The following LRRC75A variants were observed in gnomAD, a reference collection of about 807,000 sequenced individuals.
LRRC75A encodes the protein leucine rich repeat containing 75A, also known as leucine-rich repeat-containing protein 75A.
A neutral mutation model predicts 26.0 loss-of-function variants in LRRC75A; 12 were observed. The ratio of observed to expected loss-of-function variants is 0.46; its 90% CI spans 0.30 to 0.75. The LOEUF (loss-of-function observed/expected upper bound fraction) is 0.75, where lower values mean the gene tolerates loss of function less well. Ranked by LOEUF, LRRC75A falls within the 30% of genes least tolerant of loss-of-function variation. The pLI is 0.08. For synonymous variants in LRRC75A, 223 were observed against 219.3 expected (o/e 1.02, Z -0.15); for missense variants, 410 against 486.6 (o/e 0.84, Z 1.48).
At chr17:16,482,020 A>T (rs2093835267) in intron 1 of LRRC75A, among the ~76,000 whole-genome samples, 1 of 152,154 alleles carries the variant, frequency 6.6e-6, no homozygotes, top group Non-Finnish European at 1.5e-5. Flanking sequence ...GTCTAGGTCC[A>T]GGGCAGGAAT....
In LRRC75A at chr17:16,442,685, T is replaced by C. The variant is rs2093541991; in HGVS notation, c.*903A>G. ...ACCTTCTGCAGTCGGTTTTCTGGAA[T>C]GTGTTGGTGGATTACTTAAGAGTTA... On this transcript the variant is annotated 3_prime_UTR_variant, in exon 4 of 4. Transcript: ENST00000470794. 6.6e-6 allele frequency: 1 copy of C among 152,236 alleles called. No individual in the cohort carries two copies. The highest frequency in any genetic ancestry group is 2.4e-5 in the African/African-American group (1 of 41,424). 9.4% of individuals were successfully genotyped at this position (152,236 alleles called of 1,614,324 possible). A position where few individuals can be genotyped will look rare whatever the true frequency, so the allele number is the denominator to read the frequency against.
intron 2 of LRRC75A, among the ~76,000 whole-genome samples, chr17:16,458,178 T>G (rs1017183387): frequency 6.6e-6 from 1 of 151,930 alleles, no homozygotes; most frequent in Non-Finnish European, 1.5e-5. Flanking sequence ...TGGTGGCAGG[T>G]GCCTGTAATC....
intron 1 of LRRC75A, among the ~76,000 whole-genome samples, chr17:16,489,386 A>G (rs1321200245): frequency 6.6e-6 from 1 of 151,902 alleles, no homozygotes; most frequent in Non-Finnish European, 1.5e-5. Flanking sequence ...CGCTTTGCAG[A>G]CCCCTGTCTT....
intron 1 of LRRC75A, among the ~76,000 whole-genome samples, chr17:16,474,995 C>CA (rs551285458): frequency 0.027 from 2,086 of 77,080 alleles, 35 homozygotes; most frequent in African/African-American, 0.063. Flanking sequence ...GACTCCGTCT[C>CA]AAAAAAAAAA....
chr17:16,462,115 C>A lies in LRRC75A; in HGVS notation c.375+143G>T. 2 of 1,067,782 alleles carry A rather than the reference C, an allele frequency of 1.9e-6. No individual in the cohort carries two copies. Among genetic ancestry groups the A allele is most frequent in the Non-Finnish European group, 2.7e-6 (2 of 752,364 alleles). 66.1% of individuals were successfully genotyped at this position (1,067,782 alleles called of 1,614,324 possible). On this transcript the variant is annotated intron_variant, in intron 2 of 3. Coordinates refer to ENST00000470794, the MANE Select transcript of LRRC75A (RefSeq NM_001113567.3). The surrounding 1 kb of genome is among the most constrained non-coding windows in gnomAD (Gnocchi z 4.6). ...GTGCTAGTGGCACCAAGGGAGAGCA[C>A]CTCAAGCTCTTGGTGCCTGGAGGAC...
intron 1 of LRRC75A, among the ~76,000 whole-genome samples, chr17:16,482,553 G>GA (rs1200547045): frequency 6.6e-6 from 1 of 152,154 alleles, no homozygotes; most frequent in African/African-American, 2.4e-5. Context: ...GGAAGTGGGG[G>GA]AGACGGGGCT....
At chr17:16,445,387 G>A (rs546983667) in intron 3 of LRRC75A, among the ~76,000 whole-genome samples, 5 of 152,034 alleles carry the variant, frequency 3.3e-5, no homozygotes, top group South Asian at 4.2e-4. Context: ...GGATGGTCTC[G>A]ATCTCCTGAC....
At chr17:16,454,814 G>C (rs1449982434) in intron 2 of LRRC75A, among the ~76,000 whole-genome samples, 1 of 151,928 alleles carries the variant, frequency 6.6e-6, no homozygotes, top group Non-Finnish European at 1.5e-5. Context: ...AAAGAGATGG[G>C]GGTCTCACTA....
chr17:16,456,781 TC>T (rs770334536), intron 2 of LRRC75A, among the ~76,000 whole-genome samples: 2 of 152,232 alleles, frequency 1.3e-5, no homozygotes, highest in African/African-American at 2.4e-5. Context: ...CACATTTTCT[TC>T]CTTGCTGGAG....
chr17:16,471,815 C>T (rs7224180), intron 1 of LRRC75A, among the ~76,000 whole-genome samples: 2,760 of 152,266 alleles, frequency 0.018, 74 homozygotes, highest in African/African-American at 0.063. Context: ...GGACAAATAC[C>T]GCATGAGGCC....
Position 16,442,516 on chromosome 17 carries a change from G to A in LRRC75A, c.*1072C>T, listed in dbSNP as rs1338496231. 1 of 152,202 alleles carries A rather than the reference G, an allele frequency of 6.6e-6. No individual in the cohort carries two copies. Among genetic ancestry groups the A allele is most frequent in the East Asian group, 1.9e-4 (1 of 5,194 alleles). The allele number at this position is 152,202 out of a possible 1,614,324, so 9.4% of individuals were successfully genotyped here. A position where few individuals can be genotyped will look rare whatever the true frequency, so the allele number is the denominator to read the frequency against. On this transcript the variant is annotated 3_prime_UTR_variant, in exon 4 of 4. Transcript: ENST00000470794. ...TTCAGTAGGACAGTATTTGGGTAAG[G>A]GGAGGGTATAAGATGAGAACCTTTG...
chr17:16,459,992 G>T (rs1179099825), intron 2 of LRRC75A, among the ~76,000 whole-genome samples: 1 of 152,186 alleles, frequency 6.6e-6, no homozygotes, highest in Non-Finnish European at 1.5e-5. Context: ...CTGAATGTTG[G>T]TATCTCCCCA....
intron 1 of LRRC75A, among the ~76,000 whole-genome samples, chr17:16,480,710 C>T (rs1292575555): frequency 6.6e-6 from 1 of 152,104 alleles, no homozygotes; most frequent in Non-Finnish European, 1.5e-5. Context: ...CCATTCTTCC[C>T]CTCTCCTGAG....
rs1170298700 is a variant in LRRC75A, at chr17:16,476,732, ATTTT to A, written c.247-14350_247-14347del. Among the ~76,000 whole-genome samples, 230 of 75,514 alleles carry A rather than the reference ATTTT, an allele frequency of 3.0e-3. 2 individuals are homozygous for A. The highest frequency in any genetic ancestry group is 0.012 in the African/African-American group (204 of 16,392). The allele number at this position is 75,514 out of a possible 152,430, so 49.5% of individuals were successfully genotyped here. A position where few individuals can be genotyped will look rare whatever the true frequency, so the allele number is the denominator to read the frequency against. ...AGGTGCCCGTCACCATGCCTGGCTG[ATTTT>A]TTTTTTTTTTTTTTTTTTTTGAGAC... On this transcript the variant is annotated intron_variant, in intron 1 of 3. Coordinates refer to ENST00000470794, the MANE Select transcript of LRRC75A (RefSeq NM_001113567.3).
At chr17:16,444,246 A>T in intron 3 of LRRC75A, 115 bp from the exon 4 acceptor site, 1 of 883,506 alleles carries the variant, frequency 1.1e-6, no homozygotes, top group Non-Finnish European at 1.7e-6. Flanking sequence ...TTTACGAAAC[A>T]CTTGGATGTC....
chr17:16,473,312 A>G (rs1422364001), intron 1 of LRRC75A, among the ~76,000 whole-genome samples: 1 of 152,200 alleles, frequency 6.6e-6, no homozygotes, highest in Non-Finnish European at 1.5e-5. Context: ...AGCAAAGCAG[A>G]CTAGCAAAAG....
intron 1 of LRRC75A, among the ~76,000 whole-genome samples, chr17:16,480,778 T>G (rs896816954): frequency 6.6e-6 from 1 of 152,192 alleles, no homozygotes. Context: ...AGGTCCTCTG[T>G]GCCCCAGAGC....
intron 1 of LRRC75A, among the ~76,000 whole-genome samples, chr17:16,472,781 T>C (rs966414224): frequency 6.6e-6 from 1 of 152,180 alleles, no homozygotes; most frequent in Non-Finnish European, 1.5e-5. Flanking sequence ...TCAGCCAAGT[T>C]TGTAAGTTTT....
At chr17:16,451,192 G>A (rs891110861) in intron 2 of LRRC75A, among the ~76,000 whole-genome samples, 3 of 152,164 alleles carry the variant, frequency 2.0e-5, no homozygotes, top group African/African-American at 7.2e-5. Flanking sequence ...AGGAGTAGTG[G>A]AGTCTGGACA....
Sources: allele counts gnomAD v4.1 joint callset (sites outside exome capture counted in the v4.1 genomes callset), GRCh38; gene constraint gnomAD v4.1.1; non-coding constraint Gnocchi (gnomAD v3.1); transcripts MANE v1.5; gene names NCBI Gene and HGNC (gene_info 2026-07-23, HGNC 2026-07-21).